ZNF589: variants seen among roughly 807,000 people sequenced by gnomAD.
ZNF589 encodes KRAB-zinc finger protein SZF1-1.
ZNF589 carries 17 observed loss-of-function variants against 13.6 expected under a neutral mutation model. The ratio of observed to expected loss-of-function variants is 1.25; its 90% CI spans 0.86 to 1.88. The LOEUF (loss-of-function observed/expected upper bound fraction) is 1.88. ZNF589 is among the 40% of genes most tolerant of loss of function. The probability of loss-of-function intolerance (pLI) is 0.00; values close to 1 mark genes in which losing one functional copy is unlikely to be tolerated. For missense variants in ZNF589, 407 were observed against 434.0 expected (o/e 0.94, Z 0.55); for synonymous variants, 148 against 161.6 (o/e 0.92, Z 0.64).
At chr3:48,243,441 C>T (rs1227517341) in intron 1 of ZNF589, among the ~76,000 whole-genome samples, 2 of 152,112 alleles carry the variant, frequency 1.3e-5, no homozygotes, top group Non-Finnish European at 2.9e-5. Flanking sequence ...TCCTTCCATC[C>T]ACTCTTTGAG....
At chr3:48,248,971 C>T (rs1460264256) in intron 2 of ZNF589, among the ~76,000 whole-genome samples, 1 of 152,220 alleles carries the variant, frequency 6.6e-6, no homozygotes, top group Non-Finnish European at 1.5e-5. Flanking sequence ...TCTAGGGCAG[C>T]TTCCAGGCCA....
chr3:48,269,046 G>C lies in ZNF589; in HGVS notation c.*260G>C, dbSNP rs2034058758. 1 of 667,274 alleles carries C rather than the reference G, an allele frequency of 1.5e-6. No individual in the cohort carries two copies. The highest frequency in any genetic ancestry group is 1.8e-5 in the African/African-American group (1 of 55,412). The allele number at this position is 667,274 out of a possible 1,614,324, so 41.3% of individuals were successfully genotyped here. A position where few individuals can be genotyped will look rare whatever the true frequency, so the allele number is the denominator to read the frequency against. On this transcript the variant is annotated 3_prime_UTR_variant, in exon 4 of 4. Transcript: ENST00000354698. Reference sequence around the variant, plus strand: ...TATGTGTGTGGGGAATGTGGGCGGGGATTTAGCCGGAGGATAGTCCTCAAT... The same window carrying C: ...TATGTGTGTGGGGAATGTGGGCGGGCATTTAGCCGGAGGATAGTCCTCAAT...
Position 48,270,384 on chromosome 3 carries a change from C to T in ZNF589, c.*1598C>T, listed in dbSNP as rs767018983. On this transcript the variant is annotated 3_prime_UTR_variant, in exon 4 of 4. Coordinates refer to ENST00000354698, the MANE Select transcript of ZNF589 (RefSeq NM_016089.3). ...ATGCTGCATCATCAGCCTTCCAATA[C>T]CAGGTTTAAGGGTATTTTAAACACA... is the stretch of plus-strand genomic sequence containing the variant. 6 of 374,656 alleles carry T rather than the reference C, an allele frequency of 1.6e-5. No homozygotes were observed. Among genetic ancestry groups the T allele is most frequent in the Non-Finnish European group, 3.1e-5 (6 of 191,012 alleles). The allele number at this position is 374,656 out of a possible 1,614,324, so 23.2% of individuals were successfully genotyped here.
Position 48,270,538 on chromosome 3 carries a change from C to T in ZNF589, c.*1752C>T, listed in dbSNP as rs2034078963. 2 of 332,710 alleles carry T rather than the reference C, an allele frequency of 6.0e-6. No individual in the cohort carries two copies. The highest frequency in any genetic ancestry group is 5.0e-5 in the South Asian group (2 of 39,746). The allele number at this position is 332,710 out of a possible 1,614,324, so 20.6% of individuals were successfully genotyped here. ...CCTCACACTCCAGGGCCCATATGGC[C>T]CAGGTTCTGACAGTTTGCCTTACTC... On this transcript the variant is annotated 3_prime_UTR_variant, in exon 4 of 4. Transcript: ENST00000354698.
chr3:48,245,092 C>T (rs978997433), intron 1 of ZNF589, among the ~76,000 whole-genome samples: 6 of 152,096 alleles, frequency 3.9e-5, no homozygotes, highest in Non-Finnish European at 8.8e-5. Context: ...GCTTGAGCCA[C>T]GCCCAGCCAT....
At chr3:48,247,729 G>T (rs760510299) in intron 2 of ZNF589, 52 bp downstream of exon 2, 1 of 1,593,596 alleles carries the variant, frequency 6.3e-7, no homozygotes, top group South Asian at 1.1e-5. Context: ...ATTTCTCAGA[G>T]AATGGGCTCA....
intron 3 of ZNF589, among the ~76,000 whole-genome samples, chr3:48,265,738 C>G (rs1408554722): frequency 1.3e-5 from 2 of 152,078 alleles, no homozygotes; most frequent in Non-Finnish European, 1.5e-5. Flanking sequence ...AGTTTCTTTA[C>G]TATTCATTCC....
intron 3 of ZNF589, among the ~76,000 whole-genome samples, chr3:48,263,601 A>G (rs999785075): frequency 6.6e-6 from 1 of 152,084 alleles, no homozygotes; most frequent in African/African-American, 2.4e-5. Flanking sequence ...CAAAAACAAA[A>G]ACAAAAAAAC....
At chr3:48,266,800 C>T (rs2034024097) in intron 3 of ZNF589, among the ~76,000 whole-genome samples, 2 of 152,210 alleles carry the variant, frequency 1.3e-5, no homozygotes, top group Non-Finnish European at 2.9e-5. Flanking sequence ...AGAGAATCTT[C>T]CAAGTAGGCA....
At chr3:48,250,241 C>G (rs1299052161) in intron 2 of ZNF589, among the ~76,000 whole-genome samples, 1 of 151,450 alleles carries the variant, frequency 6.6e-6, no homozygotes, top group African/African-American at 2.4e-5. Flanking sequence ...TGACGAATCT[C>G]TCTCCTGCTT....
At position 48,241,111 on chromosome 3, in the gene ZNF589, C is replaced by G. The variant is rs1383151273; in HGVS notation, c.-61C>G. On this transcript the variant is annotated 5_prime_UTR_variant, in exon 1 of 4. Coordinates refer to ENST00000354698, the MANE Select transcript of ZNF589 (RefSeq NM_016089.3). Reference sequence around the variant, plus strand: ...CCGCCAGTGGCCCGCGGTGCGCATTCTAATCCGTTTCACACACGGTGCTGC... The same window carrying G: ...CCGCCAGTGGCCCGCGGTGCGCATTGTAATCCGTTTCACACACGGTGCTGC... 3.1e-6 allele frequency: 5 copies of G among 1,608,218 alleles called. No homozygotes were observed. The highest frequency in any genetic ancestry group is 4.3e-6 in the Non-Finnish European group (5 of 1,175,460).
chr3:48,268,714 T>C lies in ZNF589; in HGVS notation c.1023T>C (p.Phe341=). ...SFMCTVCGRG[F]REKSELIKHQ... ...TGTGCACAGTGTGTGGGCGAGGCTT[T>C]CGTGAAAAGTCAGAGCTCATTAAGC... The change falls in exon 4 of 4, where the codon TTT becomes TTC. Residue 341 remains phenylalanine (F), a synonymous_variant. Coordinates refer to ENST00000354698, the MANE Select transcript of ZNF589 (RefSeq NM_016089.3). 1 of 1,614,194 alleles carries C rather than the reference T, an allele frequency of 6.2e-7. No individual in the cohort carries two copies. Among genetic ancestry groups the C allele is most frequent in the Non-Finnish European group, 8.5e-7 (1 of 1,180,042 alleles).
chr3:48,241,439 C>CT (rs2033697838), intron 1 of ZNF589, among the ~76,000 whole-genome samples: 3 of 152,272 alleles, frequency 2.0e-5, no homozygotes, highest in Non-Finnish European at 4.4e-5. Flanking sequence ...GCATCCTGCA[C>CT]TTGTGCACTC....
chr3:48,255,991 T>G (rs1025600550), intron 2 of ZNF589, among the ~76,000 whole-genome samples: 3 of 152,216 alleles, frequency 2.0e-5, no homozygotes, highest in African/African-American at 7.2e-5. Flanking sequence ...TTCTTTAGCC[T>G]GTTAACATGG....
Position 48,268,384 on chromosome 3 carries a change from C to T in ZNF589, c.693C>T (p.Phe231=). ...CTTTTAACCAGAAGTCAAACCTGTTCAGACAGAAGGCAGTCACAGCAGAAA... is the reference window on the plus strand; with the variant it reads ...CTTTTAACCAGAAGTCAAACCTGTTTAGACAGAAGGCAGTCACAGCAGAAA... The part of the protein sequence containing the change: ...ALAFNQKSNL[F]RQKAVTAEKS... The change falls in exon 4 of 4, where the codon TTC becomes TTT. Residue 231 remains phenylalanine (F), a synonymous_variant. Coordinates refer to ENST00000354698, the MANE Select transcript of ZNF589 (RefSeq NM_016089.3). 1 of 1,614,156 alleles carries T rather than the reference C, an allele frequency of 6.2e-7. No homozygotes were observed. The highest frequency in any genetic ancestry group is 8.5e-7 in the Non-Finnish European group (1 of 1,179,986).
chr3:48,259,646 C>G (rs2033946470), intron 2 of ZNF589, among the ~76,000 whole-genome samples: 1 of 152,096 alleles, frequency 6.6e-6, no homozygotes, highest in African/African-American at 2.4e-5. Flanking sequence ...CCAAAGTCTG[C>G]AGAGTGAAGT....
chr3:48,256,386 A>G, intron 2 of ZNF589: 1 of 561,920 alleles, frequency 1.8e-6, no homozygotes, highest in Non-Finnish European at 3.5e-6. Flanking sequence ...AGTAGCAGAC[A>G]TTGTCCCTCA....
At chr3:48,248,919 A>G (rs2033801335) in intron 2 of ZNF589, among the ~76,000 whole-genome samples, 2 of 152,182 alleles carry the variant, frequency 1.3e-5, no homozygotes, top group Non-Finnish European at 2.9e-5. Flanking sequence ...TATAGGAGAC[A>G]TAGTAGGCAC....
intron 2 of ZNF589, among the ~76,000 whole-genome samples, chr3:48,251,723 T>C (rs896001189): frequency 1.3e-5 from 2 of 152,096 alleles, no homozygotes; most frequent in Non-Finnish European, 2.9e-5. Flanking sequence ...CTTCCTTCAT[T>C]GAATTCCTTT....
Sources: allele counts gnomAD v4.1 joint callset (sites outside exome capture counted in the v4.1 genomes callset), GRCh38; gene constraint gnomAD v4.1.1; transcripts MANE v1.5; gene names NCBI Gene and HGNC (gene_info 2026-07-23, HGNC 2026-07-21).